EYA4: variants seen among roughly 807,000 people sequenced by gnomAD.
The protein encoded by EYA4 is protein phosphatase EYA4.
EYA4 carries 31 observed loss-of-function variants against 87.9 expected under a neutral mutation model. The ratio of observed to expected loss-of-function variants is 0.35; its 90% CI spans 0.27 to 0.48. The LOEUF (loss-of-function observed/expected upper bound fraction) is 0.48, where lower values mean the gene tolerates loss of function less well. Among genes scored for constraint, EYA4 ranks in the 20% least tolerant of loss-of-function variants. The pLI is 0.99. For missense variants in EYA4, 678 were observed against 761.4 expected (o/e 0.89, Z 1.29); for synonymous variants, 263 against 270.6 (o/e 0.97, Z 0.28).
chr6:133,351,116 TCC>T (rs1783608211), intron 2 of EYA4, among the ~76,000 whole-genome samples: 1 of 152,202 alleles, frequency 6.6e-6, no homozygotes, highest in Non-Finnish European at 1.5e-5. Context: ...TTAAGTAACT[TCC>T]GAATCAGCTT....
intron 2 of EYA4, among the ~76,000 whole-genome samples, chr6:133,283,165 A>G (rs1213250896): frequency 1.3e-5 from 2 of 151,980 alleles, no homozygotes; most frequent in Admixed American, 1.3e-4. Flanking sequence ...ATGGTGATGC[A>G]TGCCTGTAGT....
At chr6:133,408,918 CTT>C (rs1788969954) in intron 3 of EYA4, among the ~76,000 whole-genome samples, 1 of 152,052 alleles carries the variant, frequency 6.6e-6, no homozygotes, top group East Asian at 1.9e-4. Flanking sequence ...TGGAGAGTAA[CTT>C]TAATTCCTTT....
chr6:133,338,942 G>T (rs296419), intron 2 of EYA4, among the ~76,000 whole-genome samples: 1 of 152,066 alleles, frequency 6.6e-6, no homozygotes, highest in Non-Finnish European at 1.5e-5. Flanking sequence ...AAAGAAGGTG[G>T]TGTCTCTGGG....
intron 1 of EYA4, among the ~76,000 whole-genome samples, chr6:133,257,167 G>T (rs752544904): frequency 6.6e-6 from 1 of 152,044 alleles, no homozygotes; most frequent in Non-Finnish European, 1.5e-5. Flanking sequence ...AATTGATTAA[G>T]GATTTGTTAT....
At chr6:133,297,739 A>T (rs1779050090) in intron 2 of EYA4, among the ~76,000 whole-genome samples, 1 of 152,190 alleles carries the variant, frequency 6.6e-6, no homozygotes, top group Admixed American at 6.5e-5. Context: ...AATATTTTTC[A>T]TCTGTTGTAC....
chr6:133,257,796 C>A (rs1391738482), intron 1 of EYA4, among the ~76,000 whole-genome samples: 1 of 152,148 alleles, frequency 6.6e-6, no homozygotes, highest in Non-Finnish European at 1.5e-5. Flanking sequence ...CGTAATTTAT[C>A]CATTTCCTGA....
chr6:133,421,014 G>A (rs943634970), intron 3 of EYA4, among the ~76,000 whole-genome samples: 11 of 152,130 alleles, frequency 7.2e-5, no homozygotes, highest in African/African-American at 2.7e-4. Context: ...ATCAAGCTTC[G>A]CTGCAGAAAG....
At chr6:133,527,589 TTTTG>T (rs1416706413) in intron 19 of EYA4, among the ~76,000 whole-genome samples, 1 of 152,216 alleles carries the variant, frequency 6.6e-6, no homozygotes, top group South Asian at 2.1e-4. Flanking sequence ...TTACATTCTT[TTTTG>T]TTTGTTTGTT....
In EYA4 at chr6:133,512,965, C is replaced by T. The variant is rs777602868; in HGVS notation, c.1428C>T (p.Asp476=). Residue 476 remains aspartate (D), a synonymous_variant, in exon 16 of 20, where the codon GAC becomes GAT. Coordinates refer to ENST00000355286, the MANE Select transcript of EYA4 (RefSeq NM_004100.5). ...CLPTGVRGGV[D]WMRKLAFRYR... ...CAACAGGTGTAAGAGGAGGGGTTGA[C>T]TGGATGAGGAAGTTGGCTTTTCGTT... 11 of 1,614,030 alleles carry T rather than the reference C, an allele frequency of 6.8e-6. No individual in the cohort carries two copies. Among genetic ancestry groups the T allele is most frequent in the Non-Finnish European group, 9.3e-6 (11 of 1,179,948 alleles).
chr6:133,435,886 C>T (rs1050380452), intron 3 of EYA4, among the ~76,000 whole-genome samples: 5 of 151,836 alleles, frequency 3.3e-5, no homozygotes, highest in Non-Finnish European at 7.4e-5. Flanking sequence ...CACACACCCC[C>T]CCTCACTCAT....
chr6:133,310,593 C>A (rs1440670936), intron 2 of EYA4, among the ~76,000 whole-genome samples: 3 of 152,254 alleles, frequency 2.0e-5, no homozygotes, highest in African/African-American at 4.8e-5. Context: ...TGAGGACTTA[C>A]GAACTTGAAT....
At chr6:133,300,357 C>G (rs1779306284) in intron 2 of EYA4, among the ~76,000 whole-genome samples, 1 of 151,774 alleles carries the variant, frequency 6.6e-6, no homozygotes, top group Non-Finnish European at 1.5e-5. Context: ...CTGTCATCAT[C>G]TACTGTTAAA....
chr6:133,404,178 C>G (rs1340000622), intron 3 of EYA4, among the ~76,000 whole-genome samples: 1 of 152,158 alleles, frequency 6.6e-6, no homozygotes, highest in Non-Finnish European at 1.5e-5. Context: ...ACTGACTCCC[C>G]TGTTCACTTA....
chr6:133,358,752 G>C (rs1171350679), intron 2 of EYA4, among the ~76,000 whole-genome samples: 2 of 152,166 alleles, frequency 1.3e-5, no homozygotes, highest in African/African-American at 2.4e-5. Context: ...TGGACATACA[G>C]AGTGTATGAA....
chr6:133,302,661 A>G (rs1361254909), intron 2 of EYA4, among the ~76,000 whole-genome samples: 1 of 152,222 alleles, frequency 6.6e-6, no homozygotes, highest in Non-Finnish European at 1.5e-5. Context: ...CTTACTATTT[A>G]TCAGCTTACA....
chr6:133,472,388 A>G (rs1267468853), intron 11 of EYA4, among the ~76,000 whole-genome samples: 1 of 95,712 alleles, frequency 1.0e-5, no homozygotes, highest in Middle Eastern at 5.6e-3. Context: ...TTCAGTTTCC[A>G]TGTAGTTGAG....
chr6:133,334,933 C>T (rs1294026330), intron 2 of EYA4, among the ~76,000 whole-genome samples: 1 of 152,144 alleles, frequency 6.6e-6, no homozygotes, highest in Admixed American at 6.5e-5. Flanking sequence ...ACATATAGCT[C>T]TAGCTAATAA....
intron 3 of EYA4, among the ~76,000 whole-genome samples, chr6:133,394,230 A>G (rs1005628539): frequency 6.6e-6 from 1 of 150,442 alleles, no homozygotes; most frequent in Non-Finnish European, 1.5e-5. Flanking sequence ...TTACATTTCC[A>G]ATGAGAGAAT....
intron 7 of EYA4, among the ~76,000 whole-genome samples, chr6:133,461,744 A>G (rs1794401626): frequency 6.6e-6 from 1 of 150,838 alleles, no homozygotes; most frequent in Non-Finnish European, 1.5e-5. Flanking sequence ...ATATATATAG[A>G]CTGAAGGTTG....
Sources: gnomAD v4.1 joint callset for allele counts (sites outside exome capture counted in the v4.1 genomes callset) on GRCh38, gnomAD v4.1.1 for gene constraint, MANE v1.5 for transcripts, NCBI Gene and HGNC (gene_info 2026-07-23, HGNC 2026-07-21) for gene names.